WEE1: variants seen among roughly 807,000 people sequenced by gnomAD.
WEE1 encodes WEE1 G2 checkpoint kinase.
In WEE1, 16 loss-of-function variants were observed where a neutral mutation model predicts 68.8. The observed-to-expected ratio is 0.23, with a 90% CI of 0.16 to 0.35. The LOEUF is 0.35. Among genes scored for constraint, WEE1 ranks in the 10% least tolerant of loss-of-function variants. The probability of loss-of-function intolerance (pLI) is 1.00; values close to 1 mark genes in which losing one functional copy is unlikely to be tolerated. For synonymous variants in WEE1, 349 were observed against 318.7 expected (o/e 1.09, Z -1.01); for missense variants, 651 against 824.1 (o/e 0.79, Z 2.57).
chr11:9,585,577 T>G (rs756660270), intron 8 of WEE1, 50 bp downstream of exon 8: 2 of 1,340,058 alleles, frequency 1.5e-6, no homozygotes, highest in Non-Finnish European at 2.0e-6. Context: ...CACTTAGCAG[T>G]TGATAGAAGA....
chr11:9,578,218 TAAC>T (rs1342198816), intron 5 of WEE1: 1 of 176,774 alleles, frequency 5.7e-6, no homozygotes, highest in Non-Finnish European at 1.2e-5. Context: ...TGAGAGGAGA[TAAC>T]AAAATTTATT....
chr11:9,577,467 G>A (rs935943325), intron 5 of WEE1: 25 of 548,900 alleles, frequency 4.6e-5, no homozygotes, highest in Non-Finnish European at 6.6e-5. Flanking sequence ...GTAGAACTTC[G>A]CATACTATTT....
Position 9,581,733 on chromosome 11 carries a change from A to G in WEE1, c.1288+55A>G, listed in dbSNP as rs571688833. 17 of 1,508,158 alleles carry G rather than the reference A, an allele frequency of 1.1e-5. No individual in the cohort carries two copies. The Admixed American group carries it at 1.7e-4, about 15-fold the overall frequency. The allele number at this position is 1,508,158 out of a possible 1,614,324, so 93.4% of individuals were successfully genotyped here. A position where few individuals can be genotyped will look rare whatever the true frequency, so the allele number is the denominator to read the frequency against. On this transcript the variant is annotated intron_variant, in intron 6 of 10. Transcript: ENST00000450114. ...TCTTTGGGGTTATAGAGAATAAATTACTTCATTATGACAACATTGAAAAAA... is the reference window on the plus strand; with the variant it reads ...TCTTTGGGGTTATAGAGAATAAATTGCTTCATTATGACAACATTGAAAAAA...
Position 9,574,654 on chromosome 11 carries a change from T to TTTGG in WEE1, c.576+146_576+149dup. 9.0e-7 allele frequency: 1 copy of TTTGG among 1,112,762 alleles called. No individual in the cohort carries two copies. The highest frequency in any genetic ancestry group is 1.1e-6 in the Non-Finnish European group (1 of 913,078). The allele number at this position is 1,112,762 out of a possible 1,614,324, so 68.9% of individuals were successfully genotyped here. A position where few individuals can be genotyped will look rare whatever the true frequency, so the allele number is the denominator to read the frequency against. On this transcript the variant is annotated intron_variant, in intron 1 of 10. Coordinates refer to ENST00000450114, the MANE Select transcript of WEE1 (RefSeq NM_003390.4). This position sits in a 1 kb window ranked among gnomAD's most constrained non-coding sequence, Gnocchi z 4.9. ...CCCCCCAAAGTTGGCAGCCCTTGTG[T>TTTGG]TTGGCCCTGCCCCGAGGTTGTCCGT...
At chr11:9,587,528 A>T (rs972708955) in intron 10 of WEE1, among the ~76,000 whole-genome samples, 1 of 152,220 alleles carries the variant, frequency 6.6e-6, no homozygotes, top group Admixed American at 6.5e-5. Flanking sequence ...TTATGAAAGG[A>T]TGAAATTAAT....
chr11:9,586,882 T>C lies in WEE1; in HGVS notation c.1787+26T>C, dbSNP rs201744283. The stretch of plus-strand genomic sequence containing the variant: ...GTAAGTGAGGGTTTTATGTTTTCTT[T>C]TTGCTTTTTCATTCACTTTAATTCT... On this transcript the variant is annotated intron_variant, in intron 10 of 10. Transcript: ENST00000450114. The C allele has an allele frequency of 1.9e-4, 303 of 1,582,732 alleles. 1 individual carries two copies. In the African/African-American group the frequency reaches 3.1e-3, roughly 16 times the overall value.
At chr11:9,582,565 C>CT (rs1849639542) in intron 6 of WEE1, among the ~76,000 whole-genome samples, 1 of 151,560 alleles carries the variant, frequency 6.6e-6, no homozygotes, top group South Asian at 2.1e-4. Context: ...AAAGTTTCTT[C>CT]TTTCTTTTTT....
intron 8 of WEE1, 28 bp from the exon 9 acceptor site, chr11:9,586,421 C>G (rs779398335): frequency 6.3e-7 from 1 of 1,590,246 alleles, no homozygotes; most frequent in South Asian, 1.1e-5. Flanking sequence ...TGTTTACATT[C>G]CTTTAAAAAA....
intron 6 of WEE1, among the ~76,000 whole-genome samples, 169 bp downstream of exon 6, chr11:9,581,847 C>G (rs1008385841): frequency 1.1e-4 from 16 of 152,214 alleles, no homozygotes; most frequent in African/African-American, 3.6e-4. Flanking sequence ...CATCTCTTCC[C>G]TTGTTAATCC....
chr11:9,581,720 T>G (rs770592524), intron 6 of WEE1, 42 bp downstream of exon 6: 1 of 1,557,912 alleles, frequency 6.4e-7, no homozygotes, highest in East Asian at 2.3e-5. Flanking sequence ...TTTGGGGTTA[T>G]AGAGAATAAA....
chr11:9,577,530 T>C (rs538415780), intron 5 of WEE1: 5 of 400,108 alleles, frequency 1.2e-5, no homozygotes, highest in South Asian at 1.2e-4. Context: ...CCTCGACACA[T>C]ATATTTTGGT....
chr11:9,574,421 G>T lies in WEE1; in HGVS notation c.488G>T (p.Arg163Leu), dbSNP rs1565086640. The T allele has an allele frequency of 8.2e-7, 1 of 1,216,660 alleles. No homozygotes were observed. Among genetic ancestry groups the T allele is most frequent in the Non-Finnish European group, 1.0e-6 (1 of 983,794 alleles). 75.4% of individuals were successfully genotyped at this position (1,216,660 alleles called of 1,614,324 possible). A position where few individuals can be genotyped will look rare whatever the true frequency, so the allele number is the denominator to read the frequency against. The change falls in exon 1 of 11, where the codon CGC becomes CTC. Residue 163 changes from arginine to leucine, a missense_variant. Around this residue, in one of 5 missense-constraint regions of WEE1, gnomAD observed 395 missense variants for 378.4 expected, o/e 1.04. Transcript: ENST00000450114. This position sits in a 1 kb window ranked among gnomAD's most constrained non-coding sequence, Gnocchi z 4.9. Reference protein sequence around the residue: ...GCGARRAGEGRRSPRPDHPGT... With the variant: ...GCGARRAGEGLRSPRPDHPGT... The stretch of plus-strand genomic sequence containing the variant: ...GGGGCGCGCCGGGCGGGCGAAGGCC[G>T]CCGCTCGCCGCGGCCGGACCACCCG...
chr11:9,574,616 C>G lies in WEE1; in HGVS notation c.576+107C>G. 1 of 1,120,874 alleles carries G rather than the reference C, an allele frequency of 8.9e-7. No individual in the cohort carries two copies. Among genetic ancestry groups the G allele is most frequent in the Non-Finnish European group, 1.1e-6 (1 of 917,890 alleles). The allele number at this position is 1,120,874 out of a possible 1,614,324, so 69.4% of individuals were successfully genotyped here. A position where few individuals can be genotyped will look rare whatever the true frequency, so the allele number is the denominator to read the frequency against. On this transcript the variant is annotated intron_variant, in intron 1 of 10. Transcript: ENST00000450114. The surrounding 1 kb of genome is among the most constrained non-coding windows in gnomAD (Gnocchi z 4.9). ...GAAGCGGCCGGCCGCTCCCCCCTCG[C>G]TTTCCTGCGCCGCCCCCCAAAGTTG...
At position 9,586,449 on chromosome 11, in the gene WEE1, A is replaced by T. The variant is rs769792166; in HGVS notation, c.1471A>T (p.Asn491Tyr). 6.2e-7 allele frequency: 1 copy of T among 1,611,892 alleles called. No individual in the cohort carries two copies. ...RFLANEVLQE[N>Y]YTHLPKADIF... is the part of the protein sequence containing the mutation. ...TTAAAAAATTGTTTTAATTTTACAG[A>T]ATTATACCCATCTACCAAAAGCAGA... The change falls in exon 9 of 11, where the codon AAT (asparagine) becomes TAT (tyrosine). Residue 491 changes from asparagine (N) to tyrosine (Y), a missense_variant and splice_region_variant. By Grantham distance (143) the Asn-to-Tyr change is moderately radical. Coordinates refer to ENST00000450114, the MANE Select transcript of WEE1 (RefSeq NM_003390.4).
Position 9,574,254 on chromosome 11 carries a change from T to C in WEE1, c.321T>C (p.Gly107=). 1.7e-6 allele frequency: 2 copies of C among 1,201,674 alleles called. No homozygotes were observed. The highest frequency in any genetic ancestry group is 2.1e-6 in the Non-Finnish European group (2 of 967,576). The allele number at this position is 1,201,674 out of a possible 1,614,324, so 74.4% of individuals were successfully genotyped here. ...GCCCGGGCGCGGACGAGGCGGGCGG[T>C]GGGGCGGAGGGCGACTCGTGGGAGG... The part of the protein sequence containing the change: ...GACPGADEAG[G]GAEGDSWEEE... The change falls in exon 1 of 11, where the codon GGT becomes GGC. Residue 107 remains glycine (G), a synonymous_variant. Transcript: ENST00000450114. The surrounding 1 kb of genome is among the most constrained non-coding windows in gnomAD (Gnocchi z 4.9).
intron 7 of WEE1, 33 bp downstream of exon 7, chr11:9,585,386 T>A (rs376659774): frequency 1.9e-4 from 299 of 1,609,128 alleles, no homozygotes; most frequent in Non-Finnish European, 2.5e-4. Flanking sequence ...TACCTTCAGA[T>A]AAAGAGAAGG....
chr11:9,579,131 C>A (rs1478931481), intron 5 of WEE1: 2 of 151,962 alleles, frequency 1.3e-5, no homozygotes, highest in Admixed American at 6.6e-5. Flanking sequence ...GGTCTTGAAC[C>A]CTGACCTCGT....
rs778358637 is a variant in WEE1, at chr11:9,576,642, G to A, written c.1002G>A (p.Leu334=). 1 of 1,613,156 alleles carries A rather than the reference G, an allele frequency of 6.2e-7. No individual in the cohort carries two copies. The highest frequency in any genetic ancestry group is 8.5e-7 in the Non-Finnish European group (1 of 1,179,676). The change falls in exon 4 of 11, where the codon TTG becomes TTA. Residue 334 remains leucine (L), a synonymous_variant. Coordinates refer to ENST00000450114, the MANE Select transcript of WEE1 (RefSeq NM_003390.4). This position sits in a 1 kb window ranked among gnomAD's most constrained non-coding sequence, Gnocchi z 4.3. ...IYAIKRSKKP[L]AGSVDEQNAL... ...CCATTAAGCGATCAAAAAAGCCATT[G>A]GCGGGCTCTGTTGATGAGTATGTAT...
rs1849532910 is a variant in WEE1 at position 9,573,929 on chromosome 11, C to T, written c.-5C>T. The T allele has an allele frequency of 2.4e-6, 3 of 1,270,096 alleles. No individual in the cohort carries two copies. The highest frequency in any genetic ancestry group is 1.6e-5 in the African/African-American group (1 of 64,222). The allele number at this position is 1,270,096 out of a possible 1,614,324, so 78.7% of individuals were successfully genotyped here. ...CCTGTCCTCGGCCCCGTCCCCAGGG[C>T]CGCGATGAGCTTCCTGAGCCGACAG... On this transcript the variant is annotated 5_prime_UTR_variant, in exon 1 of 11. Coordinates refer to ENST00000450114, the MANE Select transcript of WEE1 (RefSeq NM_003390.4).
Sources: allele counts gnomAD v4.1 joint callset (sites outside exome capture counted in the v4.1 genomes callset), GRCh38; gene constraint gnomAD v4.1.1; regional missense constraint gnomAD v4.1.1; non-coding constraint Gnocchi (gnomAD v3.1); transcripts MANE v1.5; gene names NCBI Gene and HGNC (gene_info 2026-07-23, HGNC 2026-07-21).